The following HERC6 variants were observed in gnomAD, a reference collection of about 807,000 sequenced individuals.
The protein encoded by HERC6 is probable E3 ubiquitin-protein ligase HERC6.
Under a neutral mutation model 114.5 loss-of-function variants are expected in HERC6, and 101 were observed. The observed-to-expected ratio is 0.88, with a 90% confidence interval of 0.75 to 1.04. The LOEUF is 1.04. HERC6 is among the 50% of genes least tolerant of loss of function. The pLI is 0.00. For synonymous variants in HERC6, 408 were observed against 436.2 expected (o/e 0.94, Z 0.81); for missense variants, 1,133 against 1,230.9 (o/e 0.92, Z 1.19).
chr4:88,402,230 C>A (rs1264947512), intron 8 of HERC6, among the ~76,000 whole-genome samples: 1 of 152,150 alleles, frequency 6.6e-6, no homozygotes, highest in Non-Finnish European at 1.5e-5. Flanking sequence ...GAAGATGGAA[C>A]AATTGATAAT....
chr4:88,416,016 A>AG (rs1207518344), intron 12 of HERC6, among the ~76,000 whole-genome samples: 1 of 152,250 alleles, frequency 6.6e-6, no homozygotes, highest in African/African-American at 2.4e-5. Context: ...TCCTGCACTG[A>AG]GTCAGTTCCT....
intron 2 of HERC6, among the ~76,000 whole-genome samples, chr4:88,385,186 G>GA (rs1292146393): frequency 6.6e-6 from 1 of 152,084 alleles, no homozygotes; most frequent in Non-Finnish European, 1.5e-5. Context: ...TATATATGCA[G>GA]AAAAAATTTA....
At chr4:88,413,397 A>G (rs1377986062) in intron 12 of HERC6, 131 bp downstream of exon 12, 2 of 629,052 alleles carry the variant, frequency 3.2e-6, no homozygotes, top group Admixed American at 6.5e-5. Flanking sequence ...AATTATTGAA[A>G]AGATTAATAA....
chr4:88,395,900 A>G, intron 5 of HERC6, 115 bp from the exon 6 acceptor site: 1 of 818,270 alleles, frequency 1.2e-6, no homozygotes. Context: ...CTATTTATGT[A>G]GAGCTTGTGT....
chr4:88,396,015 G>T lies in HERC6; in HGVS notation c.760G>T (p.Asp254Tyr). Reference sequence around the variant, plus strand: ...ATTTGATTCTTCCTTTGCTAAGCAGGACGGGAAAGTGTTCACATTTGGAGA... The same window carrying T: ...ATTTGATTCTTCCTTTGCTAAGCAGTACGGGAAAGTGTTCACATTTGGAGA... ...GDAHTAVLTQ[D>Y]GKVFTFGDNR... is the part of the protein sequence containing the mutation. The change falls in exon 6 of 23, where the codon GAC becomes TAC. Residue 254 changes from aspartate (D) to tyrosine (Y), a missense_variant and splice_region_variant. Physicochemically the swap from Asp to Tyr is radical, Grantham distance 160. This residue lies in a region of HERC6 where 735 missense variants were observed against 754.0 expected (regional missense o/e 0.97). Coordinates refer to ENST00000264346, the MANE Select transcript of HERC6 (RefSeq NM_017912.4). The T allele has an allele frequency of 6.3e-7, 1 of 1,589,130 alleles. No homozygotes were observed. The highest frequency in any genetic ancestry group is 8.6e-7 in the Non-Finnish European group (1 of 1,168,926).
At chr4:88,383,440 C>A in intron 2 of HERC6, 60 bp downstream of exon 2, 1 of 1,320,596 alleles carries the variant, frequency 7.6e-7, no homozygotes, top group Non-Finnish European at 1.0e-6. Context: ...GTGCCAGGCA[C>A]TGTGCAAGAT....
At chr4:88,394,036 A>G (rs1277843521) in intron 5 of HERC6, among the ~76,000 whole-genome samples, 2 of 152,224 alleles carry the variant, frequency 1.3e-5, no homozygotes, top group Non-Finnish European at 2.9e-5. Flanking sequence ...CTGTAGCATA[A>G]GATATATATA....
Position 88,423,974 on chromosome 4 carries a change from G to T in HERC6, c.1827+1G>T. ...ACAGCTCTTTCGGGATAACCACCTG[G>T]TAAGAATAACATTTTTACTTCTGAA... On this transcript the variant is annotated splice_donor_variant, in intron 14 of 22. Transcript: ENST00000264346. LOFTEE classifies it high-confidence loss of function. 7.4e-7 allele frequency: 1 copy of T among 1,348,762 alleles called. No homozygotes were observed. The allele number at this position is 1,348,762 out of a possible 1,614,324, so 83.5% of individuals were successfully genotyped here. A position where few individuals can be genotyped will look rare whatever the true frequency, so the allele number is the denominator to read the frequency against.
At chr4:88,379,466 C>T (rs368863970) in intron 1 of HERC6, among the ~76,000 whole-genome samples, 89 of 151,516 alleles carry the variant, frequency 5.9e-4, no homozygotes, top group Middle Eastern at 3.4e-3. Flanking sequence ...CTAACCTGGT[C>T]AGCGCTGCTC....
chr4:88,394,770 C>G (rs1453735007), intron 5 of HERC6, among the ~76,000 whole-genome samples: 2 of 151,920 alleles, frequency 1.3e-5, no homozygotes, highest in African/African-American at 4.8e-5. Flanking sequence ...GTATCAAACT[C>G]CTGACCTCAA....
At chr4:88,406,113 A>G (rs1735802339) in intron 10 of HERC6, among the ~76,000 whole-genome samples, 1 of 152,200 alleles carries the variant, frequency 6.6e-6, no homozygotes, top group South Asian at 2.1e-4. Context: ...TGGGTCTTCT[A>G]TTTCTGCTCT....
intron 11 of HERC6, among the ~76,000 whole-genome samples, chr4:88,411,005 A>G (rs1194929882): frequency 6.6e-6 from 1 of 152,244 alleles, no homozygotes; most frequent in East Asian, 1.9e-4. Flanking sequence ...AAGAAGCTCC[A>G]AAAAGGCATC....
In HERC6 at chr4:88,424,576, ATC is replaced by A. The variant is rs750295515; in HGVS notation, c.1828-15_1828-14del. 5.3e-6 allele frequency: 8 copies of A among 1,498,940 alleles called. No individual in the cohort carries two copies. In the South Asian group the frequency reaches 5.8e-5, roughly 11 times the overall value. The allele number at this position is 1,498,940 out of a possible 1,614,324, so 92.9% of individuals were successfully genotyped here. ...ATTGTTTTTAATTATCAAAACTATT[ATC>A]TCTGTTTATTTTTTAGATACCTGCA... On this transcript the variant is annotated splice_polypyrimidine_tract_variant and intron_variant, in intron 14 of 22. Transcript: ENST00000264346.
At chr4:88,439,813 CT>C in intron 20 of HERC6, 60 bp from the exon 21 acceptor site, 1 of 1,348,386 alleles carries the variant, frequency 7.4e-7, no homozygotes. Flanking sequence ...AGTATAAAAT[CT>C]TTTAATCATT....
In HERC6 at chr4:88,421,665, C is replaced by T. The variant is rs146586683; in HGVS notation, c.1714-2195C>T. On this transcript the variant is annotated intron_variant, in intron 13 of 22. Transcript: ENST00000264346. ...TTTACCATGTTGGCCAGACTGGTCC[C>T]GAACTCCTGACCTCAAGTAATCCAC... 9.3e-3 allele frequency among the ~76,000 whole-genome samples: 1,408 copies of T among 152,114 alleles called. 22 individuals are homozygous for T. Among genetic ancestry groups the T allele is most frequent in the African/African-American group, 0.032 (1,345 of 41,512 alleles).
chr4:88,414,850 A>T (rs1560551164), intron 12 of HERC6, among the ~76,000 whole-genome samples: 1 of 152,026 alleles, frequency 6.6e-6, no homozygotes, highest in Non-Finnish European at 1.5e-5. Context: ...CTCCGATCTC[A>T]TTCTGTCATC....
At chr4:88,440,706 G>A (rs950383974) in intron 22 of HERC6, 1 of 152,700 alleles carries the variant, frequency 6.5e-6, no homozygotes, top group Admixed American at 6.5e-5. Flanking sequence ...AAAGGGGGGA[G>A]GTGGAACCCC....
chr4:88,415,273 C>T (rs971642803), intron 12 of HERC6, among the ~76,000 whole-genome samples: 8 of 152,168 alleles, frequency 5.3e-5, no homozygotes, highest in African/African-American at 1.9e-4. Context: ...ATCTATAGAA[C>T]TGCCTCATTC....
intron 4 of HERC6, among the ~76,000 whole-genome samples, chr4:88,392,750 C>T (rs1734985711): frequency 6.6e-6 from 1 of 152,158 alleles, no homozygotes; most frequent in South Asian, 2.1e-4. Flanking sequence ...GCAGTGTTTC[C>T]TAACTGCAGC....
Sources: gnomAD v4.1 joint callset for allele counts (sites outside exome capture counted in the v4.1 genomes callset) on GRCh38, gnomAD v4.1.1 for gene constraint, gnomAD v4.1.1 regional missense constraint, MANE v1.5 for transcripts, NCBI Gene and HGNC (gene_info 2026-07-23, HGNC 2026-07-21) for gene names.